Variants in RYR2 observed in about 807,000 individuals in gnomAD.
RYR2 encodes the protein ryanodine receptor 2, also known as cardiac muscle ryanodine receptor-calcium release channel.
In RYR2, 227 loss-of-function variants were observed where a neutral mutation model predicts 601.1. The ratio of observed to expected loss-of-function variants is 0.38; its 90% CI spans 0.34 to 0.42. RYR2 has a LOEUF of 0.42. Among genes scored for constraint, RYR2 ranks in the 10% least tolerant of loss-of-function variants. The pLI, the probability that RYR2 is intolerant of heterozygous loss-of-function variation, is 1.00. For missense variants in RYR2, 4,646 were observed against 6,156.5 expected (o/e 0.75, Z 8.21); for synonymous variants, 2,223 against 2,175.1 (o/e 1.02, Z -0.61).
chr1:237,386,504 C>T (rs915514720), intron 8 of RYR2, among the ~76,000 whole-genome samples: 6 of 152,150 alleles, frequency 3.9e-5, no homozygotes, highest in Middle Eastern at 3.4e-3. Flanking sequence ...GGGATATTGG[C>T]GATGTTTACT....
At chr1:237,349,631 G>T (rs1698590379) in intron 3 of RYR2, among the ~76,000 whole-genome samples, 1 of 152,150 alleles carries the variant, frequency 6.6e-6, no homozygotes, top group South Asian at 2.1e-4. Flanking sequence ...GTATAAAATT[G>T]TCAACCATGT....
At chr1:237,583,493 A>G (rs764154468) in intron 29 of RYR2, among the ~76,000 whole-genome samples, 2 of 152,190 alleles carry the variant, frequency 1.3e-5, no homozygotes, top group Admixed American at 6.5e-5. Context: ...TGGGATTAAT[A>G]TTAAATAATA....
chr1:237,175,979 C>A (rs1677998823), intron 1 of RYR2, among the ~76,000 whole-genome samples: 1 of 152,054 alleles, frequency 6.6e-6, no homozygotes, highest in African/African-American at 2.4e-5. Context: ...TGCCTGTCAT[C>A]CCAGCACATT....
rs745869007 is a variant in RYR2, at chr1:237,792,168, A to G, written c.13627A>G (p.Lys4543Glu). The change falls in exon 94 of 105, where the codon AAA becomes GAA. Residue 4543 changes from lysine (K) to glutamate (E), a missense_variant. By Grantham distance (56) the Lys-to-Glu change is moderately conservative. Coordinates refer to ENST00000366574, the MANE Select transcript of RYR2 (RefSeq NM_001035.3). ...LPTRSSSENA[K>E]VTSLDSSSHR... ...CACGAGAAGTTCAAGTGAAAATGCC[A>G]AAGTGACAAGCCTGGACAGCAGCTC... 39 of 1,612,488 alleles carry G rather than the reference A, an allele frequency of 2.4e-5. 1 individual carries two copies. In the South Asian group the frequency reaches 4.1e-4, roughly 17 times the overall value.
At chr1:237,538,579 C>T (rs1668914543) in intron 25 of RYR2, among the ~76,000 whole-genome samples, 1 of 151,612 alleles carries the variant, frequency 6.6e-6, no homozygotes, top group Non-Finnish European at 1.5e-5. Flanking sequence ...CCAGACCAGC[C>T]CGGCCAACAT....
intron 10 of RYR2, among the ~76,000 whole-genome samples, chr1:237,405,574 C>A (rs534086488): frequency 6.6e-6 from 1 of 152,136 alleles, no homozygotes; most frequent in East Asian, 1.9e-4. Flanking sequence ...AATTTAATTC[C>A]ATCAGAGATG....
chr1:237,563,159 G>T (rs1671621644), intron 27 of RYR2, among the ~76,000 whole-genome samples: 1 of 152,056 alleles, frequency 6.6e-6, no homozygotes. Context: ...TGTAATCCCA[G>T]CACTTTGGGA....
rs150039380 is a variant in RYR2, at chr1:237,783,239, A to G, written c.11963-436A>G. 2.0e-5 allele frequency among the ~76,000 whole-genome samples: 3 copies of G among 152,312 alleles called. No individual in the cohort carries two copies. The East Asian group carries it at 5.8e-4, about 29-fold the overall frequency. ...TTGAACTTCAATTTCCTCATCGGTA[A>G]AATTAGGGTTAACAAAAAGTACCTG... On this transcript the variant is annotated intron_variant, in intron 89 of 104. Transcript: ENST00000366574.
At position 237,819,897 on chromosome 1, in the gene RYR2, G is replaced by A. The variant is rs1662257213; in HGVS notation, c.14590+705G>A. Among the ~76,000 whole-genome samples the A allele has an allele frequency of 6.6e-6, 1 of 151,844 alleles. No individual in the cohort carries two copies. Among genetic ancestry groups the A allele is most frequent in the East Asian group, 1.9e-4 (1 of 5,130 alleles). Reference sequence around the variant, plus strand: ...TGTGGTTGTTGAGATTTTTAAAAATGACATACAGGCCAGGCGCAGGGGCTC... The same window carrying A: ...TGTGGTTGTTGAGATTTTTAAAAATAACATACAGGCCAGGCGCAGGGGCTC... On this transcript the variant is annotated intron_variant, in intron 101 of 104. Coordinates refer to ENST00000366574, the MANE Select transcript of RYR2 (RefSeq NM_001035.3). The surrounding 1 kb of genome is among the most constrained non-coding windows in gnomAD (Gnocchi z 4.0).
At chr1:237,219,301 A>G (rs1409910480) in intron 1 of RYR2, among the ~76,000 whole-genome samples, 1 of 152,156 alleles carries the variant, frequency 6.6e-6, no homozygotes, top group East Asian at 1.9e-4. Flanking sequence ...TACAGGCATG[A>G]GCCACTGCAC....
chr1:237,084,839 C>T lies in RYR2; in HGVS notation c.48+42270C>T, dbSNP rs192317424. ...TAACTGCTAATTTCACCCTCTGTGC[C>T]CATGCAGGAAGCATGAAAGTGCCTG... On this transcript the variant is annotated intron_variant, in intron 1 of 104. Coordinates refer to ENST00000366574, the MANE Select transcript of RYR2 (RefSeq NM_001035.3). Among the ~76,000 whole-genome samples the T allele has an allele frequency of 2.5e-4, 38 of 152,334 alleles. No homozygotes were observed. In the East Asian group the frequency reaches 4.3e-3, roughly 17 times the overall value.
intron 56 of RYR2, among the ~76,000 whole-genome samples, chr1:237,661,351 T>C (rs945968372): frequency 6.7e-6 from 1 of 149,910 alleles, no homozygotes; most frequent in Non-Finnish European, 1.5e-5. Context: ...TGTCAGGGAG[T>C]GGGGGGCTAG....
intron 1 of RYR2, among the ~76,000 whole-genome samples, chr1:237,208,936 G>GTATATATATA (rs56133827): frequency 3.3e-5 from 3 of 89,866 alleles, no homozygotes; most frequent in African/African-American, 1.3e-4. Flanking sequence ...ATGTGTGTGT[G>GTATATATATA]TATATATATA....
chr1:237,399,735 C>A (rs1703174301), intron 10 of RYR2, among the ~76,000 whole-genome samples: 1 of 151,926 alleles, frequency 6.6e-6, no homozygotes, highest in South Asian at 2.1e-4. Flanking sequence ...GCTACTTGTA[C>A]ATATTTTCCT....
At chr1:237,716,914 A>G (rs1309803327) in intron 71 of RYR2, among the ~76,000 whole-genome samples, 4 of 152,178 alleles carry the variant, frequency 2.6e-5, no homozygotes, top group African/African-American at 9.6e-5. Context: ...TTTTTTATAT[A>G]TTTATCTGCT....
chr1:237,800,408 CTTTA>C (rs990176415), intron 97 of RYR2, among the ~76,000 whole-genome samples: 25 of 151,300 alleles, frequency 1.7e-4, no homozygotes, highest in Non-Finnish European at 3.7e-4. Flanking sequence ...TCAAAGATAA[CTTTA>C]TTTAAGGAAA....
At chr1:237,043,480 CTCCT>C (rs991658517) in intron 1 of RYR2, among the ~76,000 whole-genome samples, 1 of 152,164 alleles carries the variant, frequency 6.6e-6, no homozygotes, top group Non-Finnish European at 1.5e-5. Flanking sequence ...CTTGGCACTG[CTCCT>C]TCCTTTCTCT....
Position 237,648,446 on chromosome 1 carries a change from G to T in RYR2, c.7345G>T (p.Gly2449Trp). The T allele has an allele frequency of 6.2e-7, 1 of 1,601,714 alleles. No individual in the cohort carries two copies. Among genetic ancestry groups the T allele is most frequent in the Non-Finnish European group, 8.5e-7 (1 of 1,173,104 alleles). Reference sequence around the variant, plus strand: ...CAAAATTCACTTCTCTCTTTTAGATGGGAATGTGGTGGAACCTGACATGTC... The same window carrying T: ...CAAAATTCACTTCTCTCTTTTAGATTGGAATGTGGTGGAACCTGACATGTC... ...AFQMPTIAKD[G>W]NVVEPDMSAG... Residue 2449 changes from glycine (G) to tryptophan (W), a missense_variant and splice_region_variant, in exon 49 of 105, where the codon GGG becomes TGG. Gly to Trp is a radical substitution (Grantham distance 184). Coordinates refer to ENST00000366574, the MANE Select transcript of RYR2 (RefSeq NM_001035.3).
chr1:237,571,978 A>T (rs1672747318), intron 29 of RYR2, among the ~76,000 whole-genome samples: 1 of 152,184 alleles, frequency 6.6e-6, no homozygotes, highest in Non-Finnish European at 1.5e-5. Context: ...TAGTTATTTT[A>T]AAATGTATGA....
Sources: gnomAD v4.1 joint callset for allele counts (sites outside exome capture counted in the v4.1 genomes callset) on GRCh38, gnomAD v4.1.1 for gene constraint, Gnocchi (gnomAD v3.1) non-coding constraint, MANE v1.5 for transcripts, NCBI Gene and HGNC (gene_info 2026-07-23, HGNC 2026-07-21) for gene names.